PPIL4: variants seen among roughly 807,000 people sequenced by gnomAD.
The protein encoded by PPIL4 is peptidylprolyl isomerase like 4.
PPIL4 carries 50 observed loss-of-function variants against 69.1 expected under a neutral mutation model. The ratio of observed to expected loss-of-function variants is 0.72; its 90% CI spans 0.58 to 0.92. PPIL4 has a LOEUF of 0.92. Ranked by LOEUF, PPIL4 falls within the 40% of genes least tolerant of loss-of-function variation. The probability of loss-of-function intolerance (pLI) is 0.00; values close to 1 mark genes in which losing one functional copy is unlikely to be tolerated. For synonymous variants in PPIL4, 193 were observed against 191.6 expected, an observed-to-expected ratio of 1.01 and a Z score of -0.06; for missense variants, 480 against 587.9, an observed-to-expected ratio of 0.82 and a Z score of 1.90.
In PPIL4 at chr6:149,505,435, A is replaced by G. The variant is rs770368270; in HGVS notation, c.*18T>C. 1.3e-5 allele frequency: 21 copies of G among 1,604,546 alleles called. No homozygotes were observed. The South Asian group carries it at 2.3e-4, about 17-fold the overall frequency. ...CAAGAGTAAATATGTTAGCCTCTCA[A>G]TTCTGCCTCTTCATCTTTCATCTAT... On this transcript the variant is annotated 3_prime_UTR_variant, in exon 13 of 13. Coordinates refer to ENST00000253329, the MANE Select transcript of PPIL4 (RefSeq NM_139126.4).
At chr6:149,522,212 G>C (rs1777039517) in intron 9 of PPIL4, among the ~76,000 whole-genome samples, 1 of 152,134 alleles carries the variant, frequency 6.6e-6, no homozygotes, top group African/African-American at 2.4e-5. Context: ...TATCCCCAAA[G>C]AGAAAGCTCT....
Position 149,541,587 on chromosome 6 carries a change from C to T in PPIL4, c.71-1G>A. 1 of 1,535,456 alleles carries T rather than the reference C, an allele frequency of 6.5e-7. No individual in the cohort carries two copies. Among genetic ancestry groups the T allele is most frequent in the Non-Finnish European group, 9.0e-7 (1 of 1,112,202 alleles). ...CACAGTTTCAAGAAATTCAAGCAGG[C>T]TGAAAGAAAGTAAATACCAAATTTA... On this transcript the variant is annotated splice_acceptor_variant, in intron 1 of 12. Coordinates refer to ENST00000253329, the MANE Select transcript of PPIL4 (RefSeq NM_139126.4). LOFTEE classifies it high-confidence loss of function.
At chr6:149,531,089 C>A (rs1337268291) in intron 7 of PPIL4, among the ~76,000 whole-genome samples, 1 of 152,094 alleles carries the variant, frequency 6.6e-6, no homozygotes, top group African/African-American at 2.4e-5. Context: ...ATTGGCCGGG[C>A]ACGGTGGCTC....
chr6:149,512,597 G>A (rs1205276331), intron 11 of PPIL4, among the ~76,000 whole-genome samples: 1 of 152,082 alleles, frequency 6.6e-6, no homozygotes, highest in Non-Finnish European at 1.5e-5. Flanking sequence ...TTTAGAAAAT[G>A]AGGGACATCT....
At position 149,533,445 on chromosome 6, in the gene PPIL4, A is replaced by ATAAT; in HGVS notation, c.678+9_678+12dup. On this transcript the variant is annotated intron_variant, in intron 7 of 12. Coordinates refer to ENST00000253329, the MANE Select transcript of PPIL4 (RefSeq NM_139126.4). The stretch of plus-strand genomic sequence containing the variant: ...ATATTACAGAACAATTTGAACAAAG[A>ATAAT]TAATTATCTTACCATCTCCAAAAGT... 1 of 1,346,732 alleles carries ATAAT rather than the reference A, an allele frequency of 7.4e-7. No individual in the cohort carries two copies. The allele number at this position is 1,346,732 out of a possible 1,614,324, so 83.4% of individuals were successfully genotyped here.
At chr6:149,527,258 T>A (rs767784737) in intron 7 of PPIL4, among the ~76,000 whole-genome samples, 21 of 152,332 alleles carry the variant, frequency 1.4e-4, no homozygotes, top group Middle Eastern at 3.4e-3. Context: ...CTCGGGACAC[T>A]GAGGCAGTAG....
chr6:149,525,002 T>C (rs935831724), intron 9 of PPIL4, 141 bp downstream of exon 9: 5 of 510,700 alleles, frequency 9.8e-6, no homozygotes, highest in Admixed American at 7.7e-5. Context: ...TTATCCCCTA[T>C]ATAGATACAA....
At chr6:149,506,784 C>T (rs961224454) in intron 12 of PPIL4, among the ~76,000 whole-genome samples, 5 of 152,218 alleles carry the variant, frequency 3.3e-5, no homozygotes, top group South Asian at 4.1e-4. Context: ...TTTGTAGAGA[C>T]GGGGTTTCCC....
At chr6:149,540,886 G>T in intron 4 of PPIL4, 56 bp downstream of exon 4, 3 of 1,051,670 alleles carry the variant, frequency 2.9e-6, no homozygotes, top group Non-Finnish European at 4.3e-6. Flanking sequence ...AACTCTGTGG[G>T]CTCCTTCCAG....
chr6:149,509,545 C>T (rs1451563029), intron 12 of PPIL4, among the ~76,000 whole-genome samples: 1 of 152,144 alleles, frequency 6.6e-6, no homozygotes, highest in Non-Finnish European at 1.5e-5. Context: ...ATACAGCCAC[C>T]AGTAAAGAAG....
chr6:149,517,780 GA>G (rs1247490601), intron 10 of PPIL4: 1 of 177,064 alleles, frequency 5.6e-6, no homozygotes, highest in Non-Finnish European at 1.2e-5. Context: ...GAGGATTTGG[GA>G]CCTGAGTTTA....
intron 10 of PPIL4, 128 bp downstream of exon 10, chr6:149,520,932 G>A: frequency 1.7e-6 from 1 of 580,980 alleles, no homozygotes; most frequent in Non-Finnish European, 3.0e-6. Flanking sequence ...AGAATGGCTT[G>A]AACCTGGGAG....
intron 9 of PPIL4, among the ~76,000 whole-genome samples, chr6:149,524,890 GACCCTGTCTCA>G (rs1777083690): frequency 6.6e-6 from 1 of 151,200 alleles, no homozygotes; most frequent in South Asian, 2.1e-4. Context: ...AACAGAGTGA[GACCCTGTCTCA>G]AAAAAAAAAA....
In PPIL4 at chr6:149,526,683, T is replaced by C. The variant is rs141040049; in HGVS notation, c.772A>G (p.Ile258Val). 58 of 1,611,586 alleles carry C rather than the reference T, an allele frequency of 3.6e-5. No individual in the cohort carries two copies. The African/African-American group carries it at 7.5e-4, about 21-fold the overall frequency. ...ATTGGCCCAAATCTAGAGAATATTATTTCCAGATCCTCATCTGTGGTCACT... is the reference window on the plus strand; with the variant it reads ...ATTGGCCCAAATCTAGAGAATATTACTTCCAGATCCTCATCTGTGGTCACT... Reference protein sequence around the residue: ...NPVTTDEDLEIIFSRFGPIRS... With the variant: ...NPVTTDEDLEVIFSRFGPIRS... Residue 258 changes from isoleucine to valine, a missense_variant, in exon 8 of 13, where the codon ATA becomes GTA. By Grantham distance (29) the Ile-to-Val change is conservative (BLOSUM62 3). Transcript: ENST00000253329.
At position 149,541,403 on chromosome 6, in the gene PPIL4, G is replaced by A; in HGVS notation, c.167C>T (p.Pro56Leu). Residue 56 changes from proline to leucine, a missense_variant, in exon 3 of 13, where the codon CCT becomes CTT. By Grantham distance (98) the Pro-to-Leu change is moderately conservative. Coordinates refer to ENST00000253329, the MANE Select transcript of PPIL4 (RefSeq NM_139126.4). ...CTCTCCTCCACGGCCAGTCCCTGTAGGATCGCCAGTTTGTATGATAAAATC... is the reference window on the plus strand; with the variant it reads ...CTCTCCTCCACGGCCAGTCCCTGTAAGATCGCCAGTTTGTATGATAAAATC... The part of the protein sequence containing the change: ...QRDFIIQTGD[P>L]TGTGRGGESI... 1 of 1,561,620 alleles carries A rather than the reference G, an allele frequency of 6.4e-7. No homozygotes were observed. Among genetic ancestry groups the A allele is most frequent in the Non-Finnish European group, 8.7e-7 (1 of 1,146,548 alleles).
chr6:149,534,671 T>C lies in PPIL4; in HGVS notation c.561+7A>G. On this transcript the variant is annotated splice_region_variant and intron_variant, in intron 6 of 12. Transcript: ENST00000253329. ...TGTACATTTAATCATAAGAGGGCTT[T>C]ACTTACATCTAATTGTTCCCTTGTA... is the stretch of plus-strand genomic sequence containing the variant. 4 of 1,403,262 alleles carry C rather than the reference T, an allele frequency of 2.9e-6. No individual in the cohort carries two copies. Among genetic ancestry groups the C allele is most frequent in the Non-Finnish European group, 4.0e-6 (4 of 1,002,888 alleles). 86.9% of individuals were successfully genotyped at this position (1,403,262 alleles called of 1,614,324 possible). A position where few individuals can be genotyped will look rare whatever the true frequency, so the allele number is the denominator to read the frequency against.
intron 5 of PPIL4, among the ~76,000 whole-genome samples, chr6:149,535,139 G>A (rs1777255656): frequency 6.6e-6 from 1 of 152,206 alleles, no homozygotes; most frequent in African/African-American, 2.4e-5. Context: ...GGTGGATCAT[G>A]AGGTCAGGAG....
chr6:149,538,791 C>A (rs1262492460), intron 4 of PPIL4, among the ~76,000 whole-genome samples: 1 of 151,656 alleles, frequency 6.6e-6, no homozygotes, highest in Non-Finnish European at 1.5e-5. Flanking sequence ...ATCTCATGAT[C>A]AAACCTGACC....
At chr6:149,544,041 G>A (rs371405699) in intron 1 of PPIL4, among the ~76,000 whole-genome samples, 11 of 152,290 alleles carry the variant, frequency 7.2e-5, no homozygotes, top group African/African-American at 2.6e-4. Flanking sequence ...AATATGTACA[G>A]GGGGTGGACT....
Sources: allele counts gnomAD v4.1 joint callset (sites outside exome capture counted in the v4.1 genomes callset), GRCh38; gene constraint gnomAD v4.1.1; transcripts MANE v1.5; gene names NCBI Gene and HGNC (gene_info 2026-07-23, HGNC 2026-07-21).